Variants in ING2 observed in about 807,000 individuals in gnomAD.
ING2 encodes the protein inhibitor of growth protein 2.
Under a neutral mutation model 30.6 loss-of-function variants are expected in ING2, and 7 were observed. The ratio of observed to expected loss-of-function variants is 0.23; its 90% CI spans 0.13 to 0.43. ING2 has a LOEUF of 0.43. ING2 is among the 20% of genes least tolerant of loss of function. ING2 has a pLI of 1.00. For synonymous variants in ING2, 136 were observed against 121.7 expected, an observed-to-expected ratio of 1.12 and a Z score of -0.78; for missense variants, 239 against 334.9, an observed-to-expected ratio of 0.71 and a Z score of 2.24.
intron 1 of ING2, among the ~76,000 whole-genome samples, chr4:183,509,286 G>A (rs1734756350): frequency 6.6e-6 from 1 of 152,168 alleles, no homozygotes. Flanking sequence ...CTGTAGCCTA[G>A]TCCTGTAACC....
intron 1 of ING2, chr4:183,506,106 C>T (rs1734638260): frequency 8.4e-7 from 1 of 1,194,868 alleles, no homozygotes; most frequent in East Asian, 7.1e-5. Context: ...GCGCGCGTTC[C>T]CGCGGGCCTG....
intron 1 of ING2, chr4:183,506,291 C>T (rs1377246765): frequency 7.7e-7 from 1 of 1,304,298 alleles, no homozygotes; most frequent in South Asian, 1.2e-5. Context: ...CGATCAGCAG[C>T]TCGGACCGTC....
rs114414723 is a variant in ING2, at chr4:183,507,825, A to G, written c.173-2457A>G. Among the ~76,000 whole-genome samples, 945 of 152,276 alleles carry G rather than the reference A, an allele frequency of 6.2e-3. 9 individuals are homozygous for G. Among genetic ancestry groups the G allele is most frequent in the African/African-American group, 0.022 (909 of 41,546 alleles). On this transcript the variant is annotated intron_variant, in intron 1 of 1. Transcript: ENST00000302327. ...AGGCAGTCAAATTTCTTTCTAACCTACTTGAGACACTTTCAGAACTGCTGA... is the reference window on the plus strand; with the variant it reads ...AGGCAGTCAAATTTCTTTCTAACCTGCTTGAGACACTTTCAGAACTGCTGA...
chr4:183,506,618 A>T (rs887752445), intron 1 of ING2, among the ~76,000 whole-genome samples: 6 of 152,220 alleles, frequency 3.9e-5, no homozygotes, highest in African/African-American at 1.4e-4. Flanking sequence ...AACTTTAAAG[A>T]TAATTTCCTG....
intron 1 of ING2, among the ~76,000 whole-genome samples, chr4:183,509,285 A>C (rs972544489): frequency 2.0e-5 from 3 of 152,216 alleles, no homozygotes; most frequent in Non-Finnish European, 4.4e-5. Flanking sequence ...TCTGTAGCCT[A>C]GTCCTGTAAC....
At position 183,511,126 on chromosome 4, in the gene ING2, A is replaced by G. The variant is rs1440686229; in HGVS notation, c.*174A>G. ...TGACCTTAATTTTCTGCACTGAGTT[A>G]CCAAATATTTCCAACCAGGTAGTCT... On this transcript the variant is annotated 3_prime_UTR_variant, in exon 2 of 2. Transcript: ENST00000302327. 1.9e-6 allele frequency: 1 copy of G among 533,714 alleles called. No individual in the cohort carries two copies. The highest frequency in any genetic ancestry group is 1.9e-5 in the African/African-American group (1 of 51,996). The allele number at this position is 533,714 out of a possible 1,614,324, so 33.1% of individuals were successfully genotyped here.
At position 183,505,620 on chromosome 4, in the gene ING2, G is replaced by A. The variant is rs543490036; in HGVS notation, c.172+253G>A. 2.0e-5 allele frequency among the ~76,000 whole-genome samples: 3 copies of A among 152,244 alleles called. No homozygotes were observed. In the South Asian group the frequency reaches 6.2e-4, roughly 32 times the overall value. On this transcript the variant is annotated intron_variant, in intron 1 of 1. Coordinates refer to ENST00000302327, the MANE Select transcript of ING2 (RefSeq NM_001564.4). Reference sequence around the variant, plus strand: ...TGCAGACCCAGCGGCTGCAGCTGCCGCTGAGGGGAATCAGCCATTTTAAGC... The same window carrying A: ...TGCAGACCCAGCGGCTGCAGCTGCCACTGAGGGGAATCAGCCATTTTAAGC...
rs564114360 is a variant in ING2 at position 183,510,258 on chromosome 4, T to C, written c.173-24T>C. The C allele has an allele frequency of 4.1e-6, 6 of 1,478,836 alleles. No individual in the cohort carries two copies. The African/African-American group carries it at 8.5e-5, about 21-fold the overall frequency. The allele number at this position is 1,478,836 out of a possible 1,614,324, so 91.6% of individuals were successfully genotyped here. On this transcript the variant is annotated intron_variant, in intron 1 of 1. Transcript: ENST00000302327. ...TGTCTGCTAACACATGATAACGTTC[T>C]CATTTTTCTTTTCCTTTTTTTAGAA...
rs1734608811 is a variant in ING2, at chr4:183,505,333, G to A, written c.138G>A (p.Val46=). The change falls in exon 1 of 2, where the codon GTG becomes GTA. Residue 46 remains valine, a synonymous_variant. Coordinates refer to ENST00000302327, the MANE Select transcript of ING2 (RefSeq NM_001564.4). The part of the protein sequence containing the change: ...ESLPHDMQRN[V]SVLRELDNKY... ...TGCCCCACGACATGCAGAGGAACGT[G>A]TCTGTGCTGCGAGAGCTGGACAACA... is the stretch of plus-strand genomic sequence containing the variant. 1 of 1,547,272 alleles carries A rather than the reference G, an allele frequency of 6.5e-7. No individual in the cohort carries two copies.
At chr4:183,506,394 C>G in intron 1 of ING2, 1 of 1,027,828 alleles carries the variant, frequency 9.7e-7, no homozygotes, top group Non-Finnish European at 1.4e-6. Context: ...GCCTGGCGTC[C>G]CCGAGCCCCT....
rs147147859 is a variant in ING2, at chr4:183,509,079, C to T, written c.173-1203C>T. ...CCAGAACCTACTCTGGAAATAGTTTCATTTTCAGAATTTCCCATGTGAGGC... is the reference window on the plus strand; with the variant it reads ...CCAGAACCTACTCTGGAAATAGTTTTATTTTCAGAATTTCCCATGTGAGGC... On this transcript the variant is annotated intron_variant, in intron 1 of 1. Transcript: ENST00000302327. Among the ~76,000 whole-genome samples the T allele has an allele frequency of 9.7e-4, 147 of 152,316 alleles. 1 individual carries two copies. Among genetic ancestry groups the T allele is most frequent in the African/African-American group, 3.2e-3 (133 of 41,562 alleles).
At chr4:183,507,137 G>T (rs1169418128) in intron 1 of ING2, among the ~76,000 whole-genome samples, 2 of 152,160 alleles carry the variant, frequency 1.3e-5, no homozygotes, top group African/African-American at 2.4e-5. Context: ...GCCTTGCTCT[G>T]TCCCCTAGGC....
In ING2 at chr4:183,511,024, G is replaced by A; in HGVS notation, c.*72G>A. 1 of 1,182,720 alleles carries A rather than the reference G, an allele frequency of 8.5e-7. No homozygotes were observed. The highest frequency in any genetic ancestry group is 1.2e-6 in the Non-Finnish European group (1 of 850,976). 73.3% of individuals were successfully genotyped at this position (1,182,720 alleles called of 1,614,324 possible). Reference sequence around the variant, plus strand: ...CGTTTGCTTTCAGAAAATGTTTTAGGGTAAATGCATAAGACTATGCAATAA... The same window carrying A: ...CGTTTGCTTTCAGAAAATGTTTTAGAGTAAATGCATAAGACTATGCAATAA... On this transcript the variant is annotated 3_prime_UTR_variant, in exon 2 of 2. Coordinates refer to ENST00000302327, the MANE Select transcript of ING2 (RefSeq NM_001564.4).
chr4:183,510,545 G>A lies in ING2; in HGVS notation c.436G>A (p.Glu146Lys), dbSNP rs752729257. The change falls in exon 2 of 2, where the codon GAA (glutamate) becomes AAA (lysine). Residue 146 changes from glutamate to lysine, a missense_variant. Physicochemically the swap from Glu to Lys is moderately conservative, Grantham distance 56 (BLOSUM62 1). This residue lies in a region of ING2 where 115 missense variants were observed against 120.1 expected (regional missense o/e 0.96). Coordinates refer to ENST00000302327, the MANE Select transcript of ING2 (RefSeq NM_001564.4). ...AGCAAAGATGGATTCCAGCCAACCA[G>A]AAAGATCTTCAAGAAGACCCCGCAG... ...DKAKMDSSQP[E>K]RSSRRPRRQR... 2.5e-6 allele frequency: 4 copies of A among 1,614,084 alleles called. No homozygotes were observed. The highest frequency in any genetic ancestry group is 3.4e-6 in the Non-Finnish European group (4 of 1,180,042).
At chr4:183,505,615 C>G (rs1242667904) in intron 1 of ING2, among the ~76,000 whole-genome samples, 2 of 152,112 alleles carry the variant, frequency 1.3e-5, no homozygotes, top group Non-Finnish European at 2.9e-5. Context: ...GCGGCTGCAG[C>G]TGCCGCTGAG....
rs3193673 is a variant in ING2 at position 183,510,919 on chromosome 4, T to C, written c.810T>C (p.Thr270=). ...GDNEKTMDKS[T]EKTKKDRRSR is the part of the protein sequence containing the mutation. ...ATGAGAAAACAATGGACAAAAGTACTGAAAAGACAAAAAAGGATAGAAGAT... is the reference window on the plus strand; with the variant it reads ...ATGAGAAAACAATGGACAAAAGTACCGAAAAGACAAAAAAGGATAGAAGAT... Residue 270 remains threonine, a synonymous_variant, in exon 2 of 2, where the codon ACT becomes ACC. Transcript: ENST00000302327. 5.0e-6 allele frequency: 8 copies of C among 1,597,810 alleles called. No homozygotes were observed. The South Asian group carries it at 6.7e-5, about 13-fold the overall frequency.
chr4:183,509,467 A>G (rs549490658), intron 1 of ING2, among the ~76,000 whole-genome samples: 9 of 148,040 alleles, frequency 6.1e-5, no homozygotes, highest in Non-Finnish European at 1.3e-4. Flanking sequence ...TTTTTTTGAG[A>G]CGGAGTCTTG....
Position 183,505,340 on chromosome 4 carries a change from C to T in ING2, c.145C>T (p.Leu49=). ...PHDMQRNVSV[L]RELDNKYQET... Reference sequence around the variant, plus strand: ...CGACATGCAGAGGAACGTGTCTGTGCTGCGAGAGCTGGACAACAAATATCA... The same window carrying T: ...CGACATGCAGAGGAACGTGTCTGTGTTGCGAGAGCTGGACAACAAATATCA... The change falls in exon 1 of 2, where the codon CTG becomes TTG. Residue 49 remains leucine (L), a synonymous_variant. Coordinates refer to ENST00000302327, the MANE Select transcript of ING2 (RefSeq NM_001564.4). 2 of 1,541,720 alleles carry T rather than the reference C, an allele frequency of 1.3e-6. No individual in the cohort carries two copies. The highest frequency in any genetic ancestry group is 1.7e-6 in the Non-Finnish European group (2 of 1,143,498).
chr4:183,505,944 C>T (rs1734631795), intron 1 of ING2: 2 of 365,614 alleles, frequency 5.5e-6, no homozygotes, highest in African/African-American at 2.3e-5. Flanking sequence ...GCGGGCGCCC[C>T]GCGTTGTAGC....
Sources: allele counts gnomAD v4.1 joint callset (sites outside exome capture counted in the v4.1 genomes callset), GRCh38; gene constraint gnomAD v4.1.1; regional missense constraint gnomAD v4.1.1; transcripts MANE v1.5; gene names NCBI Gene and HGNC (gene_info 2026-07-23, HGNC 2026-07-21).